The following FKBP15 variants were observed in gnomAD, a reference collection of about 807,000 sequenced individuals.
FKBP15 encodes FKBP prolyl isomerase family member 15, also known as FK506-binding protein 15.
In FKBP15, 106 loss-of-function variants were observed where a neutral mutation model predicts 158.1. That is an observed-to-expected ratio of 0.67 (90% CI 0.57 to 0.79). The LOEUF (loss-of-function observed/expected upper bound fraction) is 0.79. Among genes scored for constraint, FKBP15 ranks in the 30% least tolerant of loss-of-function variants. The probability of loss-of-function intolerance (pLI) is 0.00; values close to 1 mark genes in which losing one functional copy is unlikely to be tolerated. For missense variants in FKBP15, 1,287 were observed against 1,479.1 expected (o/e 0.87, Z 2.13); for synonymous variants, 547 against 548.6 (o/e 1.00, Z 0.04).
At position 113,203,055 on chromosome 9, in the gene FKBP15, G is replaced by T; in HGVS notation, c.325-20C>A. ...CCTATACTGTAGACAAGCAACGACA[G>T]ATAGAAAAAAAAAAAGAGAGACAGC... On this transcript the variant is annotated intron_variant, in intron 4 of 27. Coordinates refer to ENST00000238256, the MANE Select transcript of FKBP15 (RefSeq NM_015258.2). 1 of 1,467,376 alleles carries T rather than the reference G, an allele frequency of 6.8e-7. No homozygotes were observed. The highest frequency in any genetic ancestry group is 1.3e-5 in the South Asian group (1 of 78,338). The allele number at this position is 1,467,376 out of a possible 1,614,324, so 90.9% of individuals were successfully genotyped here.
At chr9:113,219,322 G>A (rs1456466122) in intron 1 of FKBP15, among the ~76,000 whole-genome samples, 1 of 152,178 alleles carries the variant, frequency 6.6e-6, no homozygotes, top group Non-Finnish European at 1.5e-5. Context: ...ACTTAAGCAA[G>A]TATACTTACA....
chr9:113,219,695 G>A (rs533002633), intron 1 of FKBP15, among the ~76,000 whole-genome samples: 16 of 152,290 alleles, frequency 1.1e-4, no homozygotes, highest in African/African-American at 2.6e-4. Flanking sequence ...GCACATGGCT[G>A]TCATTACCTA....
In FKBP15 at chr9:113,184,516, CTG is replaced by C; in HGVS notation, c.1609-119_1609-118del. On this transcript the variant is annotated intron_variant, in intron 16 of 27. Transcript: ENST00000238256. This position sits in a 1 kb window ranked among gnomAD's most constrained non-coding sequence, Gnocchi z 4.5. ...AATGAGTTCCTGGGACAATCTCTAA[CTG>C]TTAAGTTAGAGTTTTCTCCTACTAA... 1.0e-6 allele frequency: 1 copy of C among 956,226 alleles called. No homozygotes were observed. Among genetic ancestry groups the C allele is most frequent in the Non-Finnish European group, 1.6e-6 (1 of 618,554 alleles). The allele number at this position is 956,226 out of a possible 1,614,324, so 59.2% of individuals were successfully genotyped here.
In FKBP15 at chr9:113,161,471, G is replaced by T. The variant is rs528619176; in HGVS notation, c.*4607C>A. On this transcript the variant is annotated 3_prime_UTR_variant, in exon 28 of 28. Coordinates refer to ENST00000238256, the MANE Select transcript of FKBP15 (RefSeq NM_015258.2). Reference sequence around the variant, plus strand: ...AGGTGCTGGAAGGGAAACAGTGCTGGCCTGGCCAGGTCTCCACAACTCTGC... The same window carrying T: ...AGGTGCTGGAAGGGAAACAGTGCTGTCCTGGCCAGGTCTCCACAACTCTGC... 1 of 1,600,376 alleles carries T rather than the reference G, an allele frequency of 6.2e-7. No homozygotes were observed. Among genetic ancestry groups the T allele is most frequent in the Admixed American group, 1.7e-5 (1 of 59,356 alleles).
At position 113,170,287 on chromosome 9, in the gene FKBP15, G is replaced by A. The variant is rs573229883; in HGVS notation, c.2766+235C>T. On this transcript the variant is annotated intron_variant, in intron 25 of 27. Coordinates refer to ENST00000238256, the MANE Select transcript of FKBP15 (RefSeq NM_015258.2). ...ACTACAGGCACGTGCCACCATACCC[G>A]GCTAATTTTTAAATTTTTAATTTTA... Among the ~76,000 whole-genome samples, 8 of 152,018 alleles carry A rather than the reference G, an allele frequency of 5.3e-5. No homozygotes were observed. In the East Asian group the frequency reaches 1.2e-3, roughly 22 times the overall value.
intron 2 of FKBP15, among the ~76,000 whole-genome samples, chr9:113,210,306 C>T (rs1294697359): frequency 1.3e-5 from 2 of 150,664 alleles, no homozygotes; most frequent in African/African-American, 4.9e-5. Context: ...CCTGTTAAGG[C>T]ACAATCCTAG....
At chr9:113,220,456 T>C (rs954112330) in intron 1 of FKBP15, among the ~76,000 whole-genome samples, 7 of 152,192 alleles carry the variant, frequency 4.6e-5, no homozygotes, top group Non-Finnish European at 8.8e-5. Context: ...TATATTAATA[T>C]AATGCTTGGG....
rs1212056236 is a variant in FKBP15 at position 113,174,924 on chromosome 9, G to C, written c.2224-341C>G. Among the ~76,000 whole-genome samples the C allele has an allele frequency of 1.2e-4, 2 of 16,222 alleles. 1 individual carries two copies. Among genetic ancestry groups the C allele is most frequent in the Non-Finnish European group, 2.6e-4 (2 of 7,614 alleles). The allele number at this position is 16,222 out of a possible 152,430, so 10.6% of individuals were successfully genotyped here. A position where few individuals can be genotyped will look rare whatever the true frequency, so the allele number is the denominator to read the frequency against. On this transcript the variant is annotated intron_variant, in intron 21 of 27. Transcript: ENST00000238256. The stretch of plus-strand genomic sequence containing the variant: ...AAAAAATACAAAAAATTAGCCGGGC[G>C]TAGTGGCGGGCGCCTGTAGTCCCAG...
In FKBP15 at chr9:113,202,668, T is replaced by C. The variant is rs1451729682; in HGVS notation, c.400-39A>G. 2.7e-6 allele frequency: 4 copies of C among 1,469,672 alleles called. No homozygotes were observed. The South Asian group carries it at 4.9e-5, about 18-fold the overall frequency. The allele number at this position is 1,469,672 out of a possible 1,614,324, so 91.0% of individuals were successfully genotyped here. ...AAATGTTAAATTCATCCACAAGCAG[T>C]ATTATACCAGATAAACATGACGGCC... is the stretch of plus-strand genomic sequence containing the variant. On this transcript the variant is annotated intron_variant, in intron 5 of 27. Coordinates refer to ENST00000238256, the MANE Select transcript of FKBP15 (RefSeq NM_015258.2).
At position 113,178,581 on chromosome 9, in the gene FKBP15, C is replaced by G. The variant is rs754770834; in HGVS notation, c.2086+49G>C. ...TTGAGAGGAAGAAAACAGCTTAATT[C>G]CTTGAGTTTAAATGGCAACAATCCC... On this transcript the variant is annotated intron_variant, in intron 20 of 27. Coordinates refer to ENST00000238256, the MANE Select transcript of FKBP15 (RefSeq NM_015258.2). The G allele has an allele frequency of 2.0e-6, 3 of 1,523,634 alleles. No homozygotes were observed. The Admixed American group carries it at 6.5e-5, about 33-fold the overall frequency. 94.4% of individuals were successfully genotyped at this position (1,523,634 alleles called of 1,614,324 possible).
chr9:113,219,305 A>G (rs1189906127), intron 1 of FKBP15, among the ~76,000 whole-genome samples: 1 of 152,212 alleles, frequency 6.6e-6, no homozygotes, highest in African/African-American at 2.4e-5. Context: ...AAATCAAGAG[A>G]CTTGGAACTT....
chr9:113,188,293 T>A, intron 13 of FKBP15, 96 bp downstream of exon 13: 1 of 952,672 alleles, frequency 1.0e-6, no homozygotes, highest in Non-Finnish European at 1.6e-6. Flanking sequence ...TAGTCCTCAG[T>A]ACTGAAACAA....
Position 113,190,464 on chromosome 9 carries a change from G to A in FKBP15, c.1173+7C>T, listed in dbSNP as rs367726431. The A allele has an allele frequency of 1.5e-4, 236 of 1,594,868 alleles. 1 individual carries two copies. The highest frequency in any genetic ancestry group is 2.0e-4 in the Non-Finnish European group (231 of 1,167,202). ...CTATTCATTCTAATACAGCCAGGGG[G>A]ACATACTTCGATTTCTGAATCATTG... On this transcript the variant is annotated splice_region_variant and intron_variant, in intron 12 of 27. Transcript: ENST00000238256.
At chr9:113,176,437 T>C (rs1209830940) in intron 21 of FKBP15, 100 bp downstream of exon 21, 17 of 1,318,888 alleles carry the variant, frequency 1.3e-5, no homozygotes, top group South Asian at 1.6e-5. Context: ...CTATATTATT[T>C]GTATTTGTTA....
At chr9:113,172,946 C>T (rs923400540) in intron 23 of FKBP15, among the ~76,000 whole-genome samples, 1 of 152,196 alleles carries the variant, frequency 6.6e-6, no homozygotes, top group Admixed American at 6.5e-5. Flanking sequence ...AGTGCCTTTG[C>T]CCAGGATGTT....
intron 15 of FKBP15, among the ~76,000 whole-genome samples, chr9:113,185,179 C>T (rs1830465082): frequency 6.6e-6 from 1 of 152,194 alleles, no homozygotes; most frequent in African/African-American, 2.4e-5. Context: ...GGCTTCTGCC[C>T]TTGGTGAGCT....
In FKBP15 at chr9:113,163,980, A is replaced by ACTC. The variant is rs970536641; in HGVS notation, c.*2095_*2097dup. ...CATTACATTTTTTGAGTTAGATGGG[A>ACTC]CTCTCTGGATAGTTGAACCTCTTCA... On this transcript the variant is annotated 3_prime_UTR_variant, in exon 28 of 28. Coordinates refer to ENST00000238256, the MANE Select transcript of FKBP15 (RefSeq NM_015258.2). 6.6e-6 allele frequency: 1 copy of ACTC among 152,548 alleles called. No homozygotes were observed. Among genetic ancestry groups the ACTC allele is most frequent in the African/African-American group, 2.4e-5 (1 of 41,418 alleles). 9.4% of individuals were successfully genotyped at this position (152,548 alleles called of 1,614,324 possible).
chr9:113,183,757 T>C lies in FKBP15; in HGVS notation c.1805A>G (p.Asn602Ser). The C allele has an allele frequency of 3.7e-6, 6 of 1,611,960 alleles. No homozygotes were observed. The highest frequency in any genetic ancestry group is 5.1e-6 in the Non-Finnish European group (6 of 1,178,122). ...NDKISELIER[N>S]QRYVEQSNLM... ...GCCCCGTACCTGTCATTACCTCTGA[T>C]TTCGTTCAATTAGTTCACTAATCTT... is the stretch of plus-strand genomic sequence containing the variant. The change falls in exon 18 of 28, where the codon AAT (asparagine) becomes AGT (serine). Residue 602 changes from asparagine to serine, a missense_variant. Coordinates refer to ENST00000238256, the MANE Select transcript of FKBP15 (RefSeq NM_015258.2).
intron 20 of FKBP15, among the ~76,000 whole-genome samples, chr9:113,176,987 C>A (rs921369663): frequency 6.6e-6 from 1 of 152,190 alleles, no homozygotes; most frequent in Non-Finnish European, 1.5e-5. Context: ...TCACTTCTTT[C>A]AACATCACCT....
Sources: gnomAD v4.1 joint callset for allele counts (sites outside exome capture counted in the v4.1 genomes callset) on GRCh38, gnomAD v4.1.1 for gene constraint, Gnocchi (gnomAD v3.1) non-coding constraint, MANE v1.5 for transcripts, NCBI Gene and HGNC (gene_info 2026-07-23, HGNC 2026-07-21) for gene names.